The following AFG2A variants were observed in gnomAD, a reference collection of about 807,000 sequenced individuals.
AFG2A encodes ATPase family gene 2 protein homolog A.
the AFG2A span, among the ~76,000 whole-genome samples, chr4:122,946,940 A>G: frequency 2.0e-5 from 3 of 152,228 alleles, no homozygotes; most frequent in South Asian, 2.1e-4. Flanking sequence ...TACAGTTAAG[A>G]TGTGAGAAGT....
At chr4:123,137,054 C>T in the AFG2A span, among the ~76,000 whole-genome samples, 2 of 152,086 alleles carry the variant, frequency 1.3e-5, no homozygotes, top group South Asian at 2.1e-4. Flanking sequence ...GAGCACACAA[C>T]GTAGATACCT....
chr4:122,923,324 G>C, the AFG2A span: 2 of 1,613,468 alleles, frequency 1.2e-6, no homozygotes, highest in Non-Finnish European at 1.7e-6. Context: ...TTCCGGGTGG[G>C]AGACTAGAGG....
the AFG2A span, among the ~76,000 whole-genome samples, chr4:123,172,083 C>G: frequency 6.6e-6 from 1 of 152,112 alleles, no homozygotes; most frequent in Non-Finnish European, 1.5e-5. Flanking sequence ...AAGCAGCATA[C>G]TTGATGCTGC....
chr4:123,268,723 T>C, the AFG2A span, among the ~76,000 whole-genome samples: 28 of 152,332 alleles, frequency 1.8e-4, no homozygotes, highest in African/African-American at 6.3e-4. Context: ...ACCTAAAACA[T>C]GTTTATCTTC....
the AFG2A span, chr4:123,313,823 A>G: frequency 7.2e-7 from 1 of 1,385,320 alleles, no homozygotes; most frequent in Non-Finnish European, 9.6e-7. Context: ...TTGGAATATT[A>G]TGTTTCTAAA....
chr4:123,284,696 A>C, the AFG2A span, among the ~76,000 whole-genome samples: 1 of 152,166 alleles, frequency 6.6e-6, no homozygotes, highest in African/African-American at 2.4e-5. Flanking sequence ...CACTTTACCC[A>C]TTGAAGGAAA....
chr4:123,195,613 G>C, the AFG2A span, among the ~76,000 whole-genome samples: 2 of 152,098 alleles, frequency 1.3e-5, no homozygotes, highest in Non-Finnish European at 2.9e-5. Context: ...ATTAAGATAA[G>C]AATCTTAATG....
At chr4:123,267,694 C>T in the AFG2A span, among the ~76,000 whole-genome samples, 9 of 151,886 alleles carry the variant, frequency 5.9e-5, no homozygotes, top group East Asian at 3.9e-4. Flanking sequence ...TGTAAAAGAA[C>T]GTAAGTCAAA....
At chr4:123,025,734 CGTT>C in the AFG2A span, among the ~76,000 whole-genome samples, 1 of 152,042 alleles carries the variant, frequency 6.6e-6, no homozygotes, top group Non-Finnish European at 1.5e-5. Flanking sequence ...TCCCTGCAAA[CGTT>C]GTTGTATACC....
chr4:123,296,623 T>C, the AFG2A span, among the ~76,000 whole-genome samples: 2 of 152,202 alleles, frequency 1.3e-5, no homozygotes, highest in African/African-American at 4.8e-5. Flanking sequence ...AGTGCAGTGT[T>C]GGAGATAGGA....
chr4:123,083,611 C>T, the AFG2A span, among the ~76,000 whole-genome samples: 3 of 148,344 alleles, frequency 2.0e-5, no homozygotes, highest in Non-Finnish European at 3.0e-5. Context: ...CTCTGTTGCA[C>T]AAGCTGGAGT....
chr4:123,160,198 T>TA, the AFG2A span, among the ~76,000 whole-genome samples: 10 of 152,146 alleles, frequency 6.6e-5, no homozygotes, highest in African/African-American at 2.4e-4. Flanking sequence ...TTACCCACCC[T>TA]AACCTTAGAC....
chr4:123,082,949 T>C, the AFG2A span, among the ~76,000 whole-genome samples: 1 of 152,170 alleles, frequency 6.6e-6, no homozygotes, highest in Non-Finnish European at 1.5e-5. Flanking sequence ...GTTTTTAATT[T>C]GAAACACTTT....
At chr4:123,081,115 C>A in the AFG2A span, among the ~76,000 whole-genome samples, 1 of 151,898 alleles carries the variant, frequency 6.6e-6, no homozygotes, top group Non-Finnish European at 1.5e-5. Flanking sequence ...TAATTATCAC[C>A]CAAAGTCCAT....
At chr4:122,999,541 T>C in the AFG2A span, among the ~76,000 whole-genome samples, 269 of 152,088 alleles carry the variant, frequency 1.8e-3, no homozygotes, top group African/African-American at 5.0e-3. Context: ...AGCCAGTTTT[T>C]CCAGCACCAT....
the AFG2A span, among the ~76,000 whole-genome samples, chr4:123,237,133 T>C: frequency 6.6e-6 from 1 of 152,232 alleles, no homozygotes; most frequent in Admixed American, 6.5e-5. Context: ...AGGCTACATC[T>C]GTTATTCCTT....
chr4:123,045,231 G>C, the AFG2A span, among the ~76,000 whole-genome samples: 1 of 152,046 alleles, frequency 6.6e-6, no homozygotes, highest in African/African-American at 2.4e-5. Flanking sequence ...TGCAAGAACA[G>C]TCACAAACAT....
chr4:123,060,126 C>T, the AFG2A span, among the ~76,000 whole-genome samples: 2 of 152,224 alleles, frequency 1.3e-5, no homozygotes, highest in African/African-American at 4.8e-5. Flanking sequence ...GCAGCTCTGC[C>T]TCTGTAGCTT....
At chr4:123,164,569 C>T in the AFG2A span, among the ~76,000 whole-genome samples, 1 of 152,066 alleles carries the variant, frequency 6.6e-6, no homozygotes, top group Admixed American at 6.5e-5. Context: ...TGGGGTTTCA[C>T]CATGTTGGCC....
Sources: allele counts gnomAD v4.1 joint callset (sites outside exome capture counted in the v4.1 genomes callset), GRCh38; gene constraint gnomAD v4.1.1; transcripts MANE v1.5; gene names NCBI Gene and HGNC (gene_info 2026-07-23, HGNC 2026-07-21).